OSBPL3: variants seen among roughly 807,000 people sequenced by gnomAD.
OSBPL3 encodes the protein oxysterol-binding protein-related protein 3.
OSBPL3 carries 65 observed loss-of-function variants against 120.1 expected under a neutral mutation model. The ratio of observed to expected loss-of-function variants is 0.54; its 90% confidence interval spans 0.44 to 0.67. The LOEUF (loss-of-function observed/expected upper bound fraction) is 0.67. Among genes scored for constraint, OSBPL3 ranks in the 30% least tolerant of loss-of-function variants. The pLI, the probability that OSBPL3 is intolerant of heterozygous loss-of-function variation, is 0.00. For synonymous variants in OSBPL3, 416 were observed against 402.6 expected (o/e 1.03, Z -0.40); for missense variants, 1,004 against 1,082.1 (o/e 0.93, Z 1.01).
intron 10 of OSBPL3, among the ~76,000 whole-genome samples, chr7:24,853,596 T>C (rs1294845840): frequency 3.3e-5 from 5 of 152,070 alleles, no homozygotes; most frequent in Admixed American, 2.0e-4. Context: ...ATATGGGAGG[T>C]AGAATAGATA....
At chr7:24,921,710 A>C (rs746048609) in intron 1 of OSBPL3, among the ~76,000 whole-genome samples, 6 of 152,130 alleles carry the variant, frequency 3.9e-5, no homozygotes, top group African/African-American at 1.4e-4. Flanking sequence ...AGACATATAA[A>C]TCCTTAACAA....
In OSBPL3 at chr7:24,953,519, ACATT is replaced by A. The variant is rs1814696221; in HGVS notation, c.-150+26363_-150+26366del. ...TCTTAAATAAAAGTTTATTAATTGA[ACATT>A]CATTATTACTCTCAGTATGAAAACT... On this transcript the variant is annotated intron_variant, in intron 1 of 22. Coordinates refer to ENST00000313367, the MANE Select transcript of OSBPL3 (RefSeq NM_015550.4). The surrounding 1 kb of genome is among the most constrained non-coding windows in gnomAD (Gnocchi z 4.3). 6.6e-6 allele frequency among the ~76,000 whole-genome samples: 1 copy of A among 152,248 alleles called. No homozygotes were observed. Among genetic ancestry groups the A allele is most frequent in the African/African-American group, 2.4e-5 (1 of 41,466 alleles).
chr7:24,956,835 A>T (rs995346747), intron 1 of OSBPL3, among the ~76,000 whole-genome samples: 2 of 152,032 alleles, frequency 1.3e-5, no homozygotes, highest in African/African-American at 4.8e-5. Context: ...ACCATTATTA[A>T]TTTCTTCTCA....
intron 1 of OSBPL3, among the ~76,000 whole-genome samples, chr7:24,970,961 C>T (rs1394457401): frequency 6.6e-6 from 1 of 152,196 alleles, no homozygotes; most frequent in Non-Finnish European, 1.5e-5. Flanking sequence ...AAAGTAAAAG[C>T]CTTTAGAAAA....
chr7:24,880,574 T>C (rs1803532467), intron 2 of OSBPL3, among the ~76,000 whole-genome samples: 1 of 152,218 alleles, frequency 6.6e-6, no homozygotes, highest in Admixed American at 6.5e-5. Context: ...GCCTTCAAAG[T>C]ACACCATAAT....
At chr7:24,917,548 G>A (rs6461828) in intron 1 of OSBPL3, among the ~76,000 whole-genome samples, 89,584 of 149,542 alleles carry the variant, frequency 0.6, 27,352 homozygotes, top group East Asian at 0.76. Flanking sequence ...CACTTTTGTG[G>A]CAGTTCTTAG....
rs75229545 is a variant in OSBPL3, at chr7:24,930,250, A to G, written c.-149-37629T>C. Reference sequence around the variant, plus strand: ...AAGGAAACTAGTTTTTTCAGTTCCAAGGAAATATGCACTAAAATAAAAAAA... The same window carrying G: ...AAGGAAACTAGTTTTTTCAGTTCCAGGGAAATATGCACTAAAATAAAAAAA... On this transcript the variant is annotated intron_variant, in intron 1 of 22. Coordinates refer to ENST00000313367, the MANE Select transcript of OSBPL3 (RefSeq NM_015550.4). This position sits in a 1 kb window ranked among gnomAD's most constrained non-coding sequence, Gnocchi z 4.4. Among the ~76,000 whole-genome samples the G allele has an allele frequency of 0.036, 5,487 of 152,270 alleles. 129 individuals are homozygous for G. The highest frequency in any genetic ancestry group is 0.056 in the Non-Finnish European group (3,824 of 68,004).
At chr7:24,859,238 G>A (rs1486120424) in intron 10 of OSBPL3, among the ~76,000 whole-genome samples, 1 of 152,028 alleles carries the variant, frequency 6.6e-6, no homozygotes. Context: ...AAAATACGAA[G>A]TAGGAAAGGA....
chr7:24,826,732 C>A (rs1478529869), intron 16 of OSBPL3, among the ~76,000 whole-genome samples: 3 of 152,208 alleles, frequency 2.0e-5, no homozygotes, highest in Non-Finnish European at 4.4e-5. Context: ...AAATCTAATA[C>A]TTGTTCTAAG....
chr7:24,881,875 G>A lies in OSBPL3; in HGVS notation c.97-9806C>T, dbSNP rs1424698734. 3.3e-5 allele frequency among the ~76,000 whole-genome samples: 5 copies of A among 152,108 alleles called. No homozygotes were observed. In the South Asian group the frequency reaches 6.2e-4, roughly 19 times the overall value. On this transcript the variant is annotated intron_variant, in intron 2 of 22. Transcript: ENST00000313367. The surrounding 1 kb of genome is among the most constrained non-coding windows in gnomAD (Gnocchi z 4.3). ...AGCATTCCATGGCATGGCTTGGCTTGTAGCTGCATCACTCCAATCTCTCTC... is the reference window on the plus strand; with the variant it reads ...AGCATTCCATGGCATGGCTTGGCTTATAGCTGCATCACTCCAATCTCTCTC...
Position 24,818,339 on chromosome 7 carries a change from T to C in OSBPL3, c.1949-1651A>G, listed in dbSNP as rs1794723550. On this transcript the variant is annotated intron_variant, in intron 17 of 22. Coordinates refer to ENST00000313367, the MANE Select transcript of OSBPL3 (RefSeq NM_015550.4). This position sits in a 1 kb window ranked among gnomAD's most constrained non-coding sequence, Gnocchi z 4.0. ...TATATAAGTTATATGTTCATAAAAT[T>C]GTTACCAAGAGAAAAAAAAGATAGA... is the stretch of plus-strand genomic sequence containing the variant. 6.6e-6 allele frequency among the ~76,000 whole-genome samples: 1 copy of C among 152,070 alleles called. No homozygotes were observed. Among genetic ancestry groups the C allele is most frequent in the Admixed American group, 6.5e-5 (1 of 15,268 alleles).
chr7:24,975,725 T>G (rs1036406217), intron 1 of OSBPL3, among the ~76,000 whole-genome samples: 1 of 152,118 alleles, frequency 6.6e-6, no homozygotes, highest in Non-Finnish European at 1.5e-5. Flanking sequence ...TAAGAAGTGC[T>G]GAAGGAAGGA....
intron 1 of OSBPL3, among the ~76,000 whole-genome samples, chr7:24,954,112 G>A (rs1390948810): frequency 1.3e-5 from 2 of 152,084 alleles, no homozygotes; most frequent in Admixed American, 1.3e-4. Context: ...TTTTCATGCA[G>A]GCAAACAAAG....
At position 24,932,423 on chromosome 7, in the gene OSBPL3, G is replaced by C. The variant is rs1811897788; in HGVS notation, c.-149-39802C>G. 6.6e-6 allele frequency among the ~76,000 whole-genome samples: 1 copy of C among 152,154 alleles called. No individual in the cohort carries two copies. The highest frequency in any genetic ancestry group is 1.5e-5 in the Non-Finnish European group (1 of 68,034). On this transcript the variant is annotated intron_variant, in intron 1 of 22. Coordinates refer to ENST00000313367, the MANE Select transcript of OSBPL3 (RefSeq NM_015550.4). The surrounding 1 kb of genome is among the most constrained non-coding windows in gnomAD (Gnocchi z 5.6). ...ATCCTAGAGAAAATGAAAGGGAAAA[G>C]GGGGTGCTCTGGTGAGAATGTTGAT...
chr7:24,800,965 G>A (rs1457538308), intron 22 of OSBPL3, among the ~76,000 whole-genome samples: 6 of 149,860 alleles, frequency 4.0e-5, no homozygotes, highest in African/African-American at 7.4e-5. Context: ...AAAGGAGGCC[G>A]GGTGTGGTGG....
At chr7:24,841,659 C>T (rs1480120711) in intron 13 of OSBPL3, among the ~76,000 whole-genome samples, 4 of 132,560 alleles carry the variant, frequency 3.0e-5, no homozygotes, top group African/African-American at 1.1e-4. Flanking sequence ...CACACCACTG[C>T]ACTCCAGCCT....
intron 1 of OSBPL3, among the ~76,000 whole-genome samples, chr7:24,954,177 C>G (rs2128503067): frequency 6.6e-6 from 1 of 152,320 alleles, no homozygotes; most frequent in Non-Finnish European, 1.5e-5. Flanking sequence ...TCCTGAGCAC[C>G]AGGAATCATC....
chr7:24,813,853 A>T lies in OSBPL3; in HGVS notation c.2172+1206T>A, dbSNP rs1794136081. ...GGGAGAGAAAGCAGGGAGGGCCGCC[A>T]GCAAGGCTGTTAAAATGAGAGACCA... is the stretch of plus-strand genomic sequence containing the variant. On this transcript the variant is annotated intron_variant, in intron 19 of 22. Coordinates refer to ENST00000313367, the MANE Select transcript of OSBPL3 (RefSeq NM_015550.4). This position sits in a 1 kb window ranked among gnomAD's most constrained non-coding sequence, Gnocchi z 4.5. Among the ~76,000 whole-genome samples, 1 of 152,240 alleles carries T rather than the reference A, an allele frequency of 6.6e-6. No homozygotes were observed. The highest frequency in any genetic ancestry group is 1.5e-5 in the Non-Finnish European group (1 of 68,046).
chr7:24,863,190 C>A lies in OSBPL3; in HGVS notation c.870+10G>T. 3.7e-6 allele frequency: 6 copies of A among 1,600,890 alleles called. No homozygotes were observed. Among genetic ancestry groups the A allele is most frequent in the African/African-American group, 1.3e-5 (1 of 74,780 alleles). On this transcript the variant is annotated intron_variant, in intron 9 of 22. Transcript: ENST00000313367. This position sits in a 1 kb window ranked among gnomAD's most constrained non-coding sequence, Gnocchi z 5.8. ...GAAGAAACCAGTCTGTCAGGGGAAG[C>A]AATGGTTACCTGCAGTGTTCCTTTA...
Sources: allele counts gnomAD v4.1 joint callset (sites outside exome capture counted in the v4.1 genomes callset), GRCh38; gene constraint gnomAD v4.1.1; non-coding constraint Gnocchi (gnomAD v3.1); transcripts MANE v1.5; gene names NCBI Gene and HGNC (gene_info 2026-07-23, HGNC 2026-07-21).